Variants in DHX57 observed in about 807,000 individuals in gnomAD.
DHX57 encodes putative ATP-dependent RNA helicase DHX57.
DHX57 carries 105 observed loss-of-function variants against 156.2 expected under a neutral mutation model. The observed-to-expected ratio is 0.67, with a 90% confidence interval of 0.57 to 0.79. The LOEUF (loss-of-function observed/expected upper bound fraction) is 0.79. Among genes scored for constraint, DHX57 ranks in the 30% least tolerant of loss-of-function variants. The probability of loss-of-function intolerance (pLI) is 0.00; values close to 1 mark genes in which losing one functional copy is unlikely to be tolerated. For missense variants in DHX57, 1,847 were observed against 1,661.9 expected, an observed-to-expected ratio of 1.11 and a Z score of -1.94; for synonymous variants, 704 against 595.6, an observed-to-expected ratio of 1.18 and a Z score of -2.65.
rs1385096038 is a variant in DHX57 at position 38,843,110 on chromosome 2, C to T, written c.2320G>A (p.Glu774Lys). The T allele has an allele frequency of 6.2e-7, 1 of 1,614,164 alleles. No homozygotes were observed. ...TGAAGGGAGAGCCTTAGGTCTTCTT[C>T]CACTTCTTCAAATGCAGTTCTGTTC... ...RRNRTAFEEV[E>K]EDLRLSLHLQ... The change falls in exon 12 of 24, where the codon GAA (glutamate) becomes AAA (lysine). Residue 774 changes from glutamate to lysine, a missense_variant. Coordinates refer to ENST00000457308, the MANE Select transcript of DHX57 (RefSeq NM_198963.3).
At chr2:38,833,251 T>C (rs1016452551) in intron 13 of DHX57, among the ~76,000 whole-genome samples, 10 of 152,156 alleles carry the variant, frequency 6.6e-5, no homozygotes, top group Non-Finnish European at 1.5e-5. Context: ...CAAGAGATTC[T>C]CCTGCCTCAG....
chr2:38,798,335 G>A lies in DHX57; in HGVS notation c.4125C>T (p.Ile1375=). The A allele has an allele frequency of 1.9e-6, 3 of 1,613,876 alleles. No individual in the cohort carries two copies. Among genetic ancestry groups the A allele is most frequent in the Non-Finnish European group, 2.5e-6 (3 of 1,179,952 alleles). Residue 1375 remains isoleucine (I), a synonymous_variant, in exon 24 of 24, where the codon ATC becomes ATT. Coordinates refer to ENST00000457308, the MANE Select transcript of DHX57 (RefSeq NM_198963.3). ...DLCTCPRGSR[I]ISTIVKLVTT... is the part of the protein sequence containing the mutation. Reference sequence around the variant, plus strand: ...TGACAAGTTTCACAATTGTGCTGATGATCCGGGATCCTCGAGGACACGTAC... The same window carrying A: ...TGACAAGTTTCACAATTGTGCTGATAATCCGGGATCCTCGAGGACACGTAC...
chr2:38,833,964 C>G (rs1671516299), intron 13 of DHX57, among the ~76,000 whole-genome samples: 1 of 152,100 alleles, frequency 6.6e-6, no homozygotes, highest in South Asian at 2.1e-4. Flanking sequence ...AATCAAAACT[C>G]ACACACACAT....
At chr2:38,847,149 A>G (rs1363524649) in intron 10 of DHX57, 76 bp from the exon 11 acceptor site, 1 of 1,168,520 alleles carries the variant, frequency 8.6e-7, no homozygotes, top group East Asian at 2.5e-5. Context: ...ATATATATAA[A>G]ATTCTCTTAA....
intron 17 of DHX57, among the ~76,000 whole-genome samples, chr2:38,822,400 A>G (rs751016911): frequency 4.7e-5 from 7 of 149,636 alleles, no homozygotes; most frequent in African/African-American, 7.4e-5. Context: ...AATTAATATT[A>G]GTTGTTTTTT....
intron 19 of DHX57, chr2:38,815,941 T>C: frequency 2.3e-6 from 1 of 433,062 alleles, no homozygotes; most frequent in South Asian, 2.2e-5. Context: ...ACACTCTCAT[T>C]GGATTTTGGG....
intron 22 of DHX57, among the ~76,000 whole-genome samples, chr2:38,803,985 T>C (rs894110646): frequency 2.6e-5 from 4 of 151,176 alleles, no homozygotes; most frequent in African/African-American, 9.7e-5. Flanking sequence ...TTTCACCATG[T>C]TGGCCAGGCT....
intron 14 of DHX57, among the ~76,000 whole-genome samples, chr2:38,826,967 C>T (rs1306212673): frequency 6.6e-6 from 1 of 151,976 alleles, no homozygotes; most frequent in Non-Finnish European, 1.5e-5. Context: ...CTCGTCTCTA[C>T]TAAAAATACA....
At chr2:38,834,879 A>G (rs749509067) in intron 13 of DHX57, among the ~76,000 whole-genome samples, 3 of 152,190 alleles carry the variant, frequency 2.0e-5, no homozygotes, top group Non-Finnish European at 4.4e-5. Context: ...TTTTTGAGAA[A>G]TACCTTTTTA....
intron 12 of DHX57, among the ~76,000 whole-genome samples, chr2:38,838,529 C>A (rs1464307295): frequency 2.6e-5 from 4 of 152,244 alleles, no homozygotes; most frequent in Non-Finnish European, 4.4e-5. Flanking sequence ...CTCATTCCTT[C>A]CCCTCTTTTA....
intron 22 of DHX57, among the ~76,000 whole-genome samples, chr2:38,805,234 C>T (rs1669884199): frequency 6.6e-6 from 1 of 152,164 alleles, no homozygotes; most frequent in Admixed American, 6.6e-5. Context: ...GACCTCCTGA[C>T]CCTCAAACTC....
chr2:38,828,241 G>T, intron 14 of DHX57, 99 bp downstream of exon 14: 1 of 770,818 alleles, frequency 1.3e-6, no homozygotes, highest in Non-Finnish European at 2.0e-6. Context: ...ACAAATGTAT[G>T]CTCGAAGACT....
At chr2:38,871,692 A>G (rs548002587) in intron 1 of DHX57, among the ~76,000 whole-genome samples, 1 of 149,730 alleles carries the variant, frequency 6.7e-6, no homozygotes, top group East Asian at 2.0e-4. Flanking sequence ...TGCCAGACTT[A>G]TTTTATAATA....
intron 21 of DHX57, chr2:38,810,630 C>T: frequency 1.5e-6 from 1 of 649,842 alleles, no homozygotes; most frequent in South Asian, 1.4e-5. Flanking sequence ...TGGATACCTG[C>T]ACTTTCCCTT....
At chr2:38,862,582 T>A in intron 3 of DHX57, 1 of 303,472 alleles carries the variant, frequency 3.3e-6, no homozygotes, top group Non-Finnish European at 5.9e-6. Context: ...CTGTACCAAA[T>A]ACTACTGGAA....
chr2:38,831,449 C>G (rs1212990543), intron 13 of DHX57, among the ~76,000 whole-genome samples: 1 of 151,924 alleles, frequency 6.6e-6, no homozygotes, highest in African/African-American at 2.4e-5. Context: ...CCTGCCTCAG[C>G]CTCCCGACTA....
At chr2:38,811,202 C>T (rs1670227021) in intron 21 of DHX57, 2 of 494,904 alleles carry the variant, frequency 4.0e-6, no homozygotes, top group South Asian at 1.8e-5. Flanking sequence ...CATCAGATCA[C>T]TGCGGCCCTT....
intron 23 of DHX57, among the ~76,000 whole-genome samples, chr2:38,798,945 CT>C (rs1410370791): frequency 6.6e-6 from 1 of 151,516 alleles, no homozygotes; most frequent in African/African-American, 2.4e-5. Flanking sequence ...TCTGTCCCCC[CT>C]GCTCCCCAAA....
intron 21 of DHX57, among the ~76,000 whole-genome samples, chr2:38,809,867 G>T (rs1276039279): frequency 1.3e-5 from 2 of 151,850 alleles, no homozygotes; most frequent in Admixed American, 1.3e-4. Flanking sequence ...TTTTCTATTA[G>T]GTTCTATTAG....
Sources: allele counts gnomAD v4.1 joint callset (sites outside exome capture counted in the v4.1 genomes callset), GRCh38; gene constraint gnomAD v4.1.1; transcripts MANE v1.5; gene names NCBI Gene and HGNC (gene_info 2026-07-23, HGNC 2026-07-21).